Variants in ASIP observed in about 807,000 individuals in gnomAD.
ASIP encodes the protein agouti-signaling protein.
In ASIP, 11 loss-of-function variants were observed where a neutral mutation model predicts 10.3. That is an observed-to-expected ratio of 1.07 (90% CI 0.68 to 1.78). The LOEUF is 1.78. Ranked by LOEUF, ASIP falls within the 40% of genes most tolerant of loss-of-function variation. The pLI, the probability that ASIP is intolerant of heterozygous loss-of-function variation, is 0.00. For missense variants in ASIP, 180 were observed against 169.2 expected (o/e 1.06, Z -0.35); for synonymous variants, 70 against 70.8 (o/e 0.99, Z 0.06).
Position 34,258,700 on chromosome 20 carries a change from A to ATATATATATATATATATACACACACAC in ASIP, c.-10-1656_-10-1655insATATATATACACACACACTATATATAT, listed in dbSNP as rs1555826880. On this transcript the variant is annotated intron_variant, in intron 1 of 3. Transcript: ENST00000374954. ...ATATATATATATATATACATACTAT[A>ATATATATATATATATATACACACACAC]TATATATATTATATATATTATAAAA... Among the ~76,000 whole-genome samples the ATATATATATATATATATACACACACAC allele has an allele frequency of 2.6e-5, 2 of 77,918 alleles. 1 individual carries two copies. Among genetic ancestry groups the ATATATATATATATATATACACACACAC allele is most frequent in the Non-Finnish European group, 4.8e-5 (2 of 41,382 alleles). The allele number at this position is 77,918 out of a possible 152,430, so 51.1% of individuals were successfully genotyped here.
chr20:34,266,460 G>A (rs1239756449), intron 3 of ASIP, among the ~76,000 whole-genome samples: 1 of 151,918 alleles, frequency 6.6e-6, no homozygotes, highest in Non-Finnish European at 1.5e-5. Context: ...ATCACCTGAG[G>A]TTAAGAGTTA....
intron 1 of ASIP, among the ~76,000 whole-genome samples, chr20:34,256,137 C>A (rs1223190262): frequency 6.6e-6 from 1 of 152,200 alleles, no homozygotes; most frequent in South Asian, 2.1e-4. Context: ...GAAATAATGG[C>A]ATAAACTGTC....
chr20:34,265,250 C>T (rs1398208871), intron 3 of ASIP, among the ~76,000 whole-genome samples: 20 of 152,252 alleles, frequency 1.3e-4, no homozygotes, highest in African/African-American at 2.6e-4. Context: ...GGGCCAGGCA[C>T]GGTGGCTCAC....
At chr20:34,218,720 T>C (rs1601576165) in intron 1 of ASIP, among the ~76,000 whole-genome samples, 1 of 151,914 alleles carries the variant, frequency 6.6e-6, no homozygotes, top group South Asian at 2.1e-4. Context: ...TGGAGTGCAG[T>C]GGCACGATGT....
At position 34,225,144 on chromosome 20, in the gene ASIP, C is replaced by T. The variant is rs1460960951; in HGVS notation, c.-11+30384C>T. Among the ~76,000 whole-genome samples the T allele has an allele frequency of 6.9e-5, 10 of 144,840 alleles. No homozygotes were observed. In the South Asian group the frequency reaches 1.1e-3, roughly 16 times the overall value. On this transcript the variant is annotated intron_variant, in intron 1 of 3. Coordinates refer to the ASIP transcript ENST00000568305. Reference sequence around the variant, plus strand: ...GCAACCTCTGCCTCCTGGGTTCAAGCGATTCTCCTACCTCAGCTTCCTGAG... The same window carrying T: ...GCAACCTCTGCCTCCTGGGTTCAAGTGATTCTCCTACCTCAGCTTCCTGAG...
chr20:34,220,285 A>G (rs2035036960), intron 1 of ASIP, among the ~76,000 whole-genome samples: 1 of 151,894 alleles, frequency 6.6e-6, no homozygotes, highest in Admixed American at 6.6e-5. Context: ...CATTTTCAAT[A>G]CAAGAGATTA....
chr20:34,247,986 G>A (rs760406241), intron 1 of ASIP, among the ~76,000 whole-genome samples: 8 of 152,134 alleles, frequency 5.3e-5, no homozygotes, highest in Non-Finnish European at 8.8e-5. Flanking sequence ...AGGGCAGATC[G>A]CCTGAGATCA....
intron 1 of ASIP, among the ~76,000 whole-genome samples, chr20:34,212,246 T>A (rs2034979340): frequency 6.6e-6 from 1 of 152,156 alleles, no homozygotes; most frequent in African/African-American, 2.4e-5. Flanking sequence ...ACAAGACTAG[T>A]AAGAAAAATT....
intron 1 of ASIP, among the ~76,000 whole-genome samples, chr20:34,235,840 AGAAGGAAG>A (rs1410217651): frequency 9.3e-5 from 5 of 53,752 alleles, no homozygotes; most frequent in Admixed American, 8.6e-4. Context: ...AAAGAAAGAA[AGAAGGAAG>A]GAAGGAAGGA....
At chr20:34,236,012 A>AGG (rs2035202175) in intron 1 of ASIP, among the ~76,000 whole-genome samples, 3 of 113,710 alleles carry the variant, frequency 2.6e-5, no homozygotes, top group Non-Finnish European at 4.9e-5. Flanking sequence ...GAAAGAGAGA[A>AGG]AGAGAGAGAG....
chr20:34,210,489 G>A (rs533857929), intron 1 of ASIP, among the ~76,000 whole-genome samples: 18 of 152,344 alleles, frequency 1.2e-4, no homozygotes, highest in South Asian at 4.1e-4. Flanking sequence ...TTGACTGTGC[G>A]CAGTGGCCAG....
chr20:34,249,603 C>T (rs1367462111), intron 1 of ASIP, among the ~76,000 whole-genome samples: 1 of 152,142 alleles, frequency 6.6e-6, no homozygotes, highest in African/African-American at 2.4e-5. Context: ...TAATGCTCTC[C>T]TGTCACCATC....
rs1179933802 is a variant in ASIP at position 34,200,969 on chromosome 20, T to TTTCCTTCCTTCC, written c.-11+6249_-11+6260dup. On this transcript the variant is annotated intron_variant, in intron 1 of 3. Transcript: ENST00000568305. ...TTGATTTTCTTTCTTTCTTTCTTTC[T>TTTCCTTCCTTCC]TTCCTTCCTTCCTTCCTTCCTTCCT... Among the ~76,000 whole-genome samples, 382 of 72,880 alleles carry TTTCCTTCCTTCC rather than the reference T, an allele frequency of 5.2e-3. 10 individuals are homozygous for TTTCCTTCCTTCC. The highest frequency in any genetic ancestry group is 7.2e-3 in the Middle Eastern group (1 of 138). 47.8% of individuals were successfully genotyped at this position (72,880 alleles called of 152,430 possible).
At chr20:34,221,248 G>A (rs761063176) in intron 1 of ASIP, among the ~76,000 whole-genome samples, 3 of 151,912 alleles carry the variant, frequency 2.0e-5, no homozygotes, top group Non-Finnish European at 4.4e-5. Context: ...TGTGGTGGCT[G>A]GTGCCTGTAG....
At chr20:34,210,645 C>T (rs1412912826) in intron 1 of ASIP, among the ~76,000 whole-genome samples, 2 of 152,214 alleles carry the variant, frequency 1.3e-5, no homozygotes, top group East Asian at 1.9e-4. Flanking sequence ...CTGAGCAAAA[C>T]TCAGGCAAAG....
chr20:34,228,132 C>CTTTTTT (rs2035105426), intron 1 of ASIP, among the ~76,000 whole-genome samples: 1 of 5,696 alleles, frequency 1.8e-4, no homozygotes, highest in Non-Finnish European at 2.2e-4. Flanking sequence ...ATAGAACTTT[C>CTTTTTT]TTTTTTTTTT....
chr20:34,247,300 C>CTTTTT (rs201908221), intron 1 of ASIP, among the ~76,000 whole-genome samples: 2 of 120,694 alleles, frequency 1.7e-5, no homozygotes, highest in African/African-American at 3.1e-5. Flanking sequence ...TTATATGATG[C>CTTTTT]TTTTTTTTTT....
intron 1 of ASIP, among the ~76,000 whole-genome samples, chr20:34,242,709 A>G (rs201568386): frequency 3.3e-5 from 5 of 152,272 alleles, no homozygotes; most frequent in East Asian, 3.8e-4. Flanking sequence ...TTGCTCAGCT[A>G]TATCTCCTTG....
chr20:34,221,333 G>A (rs1045156577), intron 1 of ASIP, among the ~76,000 whole-genome samples: 6 of 151,760 alleles, frequency 4.0e-5, no homozygotes, highest in South Asian at 2.1e-4. Context: ...AGCCGAGATC[G>A]CGCCACTGCA....
Sources: allele counts gnomAD v4.1 joint callset (sites outside exome capture counted in the v4.1 genomes callset), GRCh38; gene constraint gnomAD v4.1.1; transcripts MANE v1.5; gene names NCBI Gene and HGNC (gene_info 2026-07-23, HGNC 2026-07-21).